The following DNM3 variants were observed in gnomAD, a reference collection of about 807,000 sequenced individuals.
The protein encoded by DNM3 is dynamin 3.
Under a neutral mutation model 101.6 loss-of-function variants are expected in DNM3, and 47 were observed. The ratio of observed to expected loss-of-function variants is 0.46; its 90% CI spans 0.37 to 0.59. DNM3 has a LOEUF of 0.59. Among genes scored for constraint, DNM3 ranks in the 20% least tolerant of loss-of-function variants. The probability of loss-of-function intolerance (pLI) is 0.00; values close to 1 mark genes in which losing one functional copy is unlikely to be tolerated. For missense variants in DNM3, 849 were observed against 1,085.7 expected (o/e 0.78, Z 3.06); for synonymous variants, 385 against 387.9 (o/e 0.99, Z 0.09).
At position 172,410,794 on chromosome 1, in the gene DNM3, G is replaced by A. The variant is rs1225281091; in HGVS notation, c.*2953G>A. 30 of 985,012 alleles carry A rather than the reference G, an allele frequency of 3.0e-5. No homozygotes were observed. Among genetic ancestry groups the A allele is most frequent in the South Asian group, 4.7e-5 (1 of 21,276 alleles). 61.0% of individuals were successfully genotyped at this position (985,012 alleles called of 1,614,324 possible). Reference sequence around the variant, plus strand: ...CTGTGATGTAACTGTAAGCCTTCTCGACTTAGACTTAAAAAGTGGTCACAT... The same window carrying A: ...CTGTGATGTAACTGTAAGCCTTCTCAACTTAGACTTAAAAAGTGGTCACAT... On this transcript the variant is annotated 3_prime_UTR_variant, in exon 21 of 21. Transcript: ENST00000627582.
chr1:171,863,361 A>G (rs1401307758), intron 1 of DNM3, among the ~76,000 whole-genome samples: 1 of 152,206 alleles, frequency 6.6e-6, no homozygotes, highest in African/African-American at 2.4e-5. Context: ...GGGAAGCTCC[A>G]GTTTAATGAA....
intron 14 of DNM3, among the ~76,000 whole-genome samples, chr1:172,188,739 T>C (rs1338323619): frequency 6.6e-6 from 1 of 152,112 alleles, no homozygotes; most frequent in Non-Finnish European, 1.5e-5. Flanking sequence ...TACGTTTAGT[T>C]TTGTAAGAAA....
intron 1 of DNM3, among the ~76,000 whole-genome samples, chr1:171,879,407 C>T (rs1362874290): frequency 6.6e-6 from 1 of 152,084 alleles, no homozygotes; most frequent in Non-Finnish European, 1.5e-5. Flanking sequence ...AAATCCACAC[C>T]ACTTTACATT....
chr1:171,957,641 T>G (rs2042951672), intron 2 of DNM3, among the ~76,000 whole-genome samples: 1 of 152,164 alleles, frequency 6.6e-6, no homozygotes, highest in African/African-American at 2.4e-5. Context: ...TCCCGCCAGG[T>G]ACCCTAAATC....
intron 1 of DNM3, among the ~76,000 whole-genome samples, chr1:171,894,979 A>T (rs1021967864): frequency 6.6e-6 from 1 of 152,138 alleles, no homozygotes; most frequent in African/African-American, 2.4e-5. Context: ...ATCGTTTTAT[A>T]TGGCTGCATA....
chr1:172,349,912 A>T (rs2067119350), intron 17 of DNM3, among the ~76,000 whole-genome samples: 1 of 152,156 alleles, frequency 6.6e-6, no homozygotes, highest in South Asian at 2.1e-4. Context: ...GAGGTTAAAA[A>T]CATAGAAGCA....
Position 172,409,173 on chromosome 1 carries a change from G to T in DNM3, c.*1332G>T, listed in dbSNP as rs926062606. ...AGCCAGAAGCCAACTGGAATTTTGT[G>T]TGCTAACTGTTCCCAGACAGCAGAG... On this transcript the variant is annotated 3_prime_UTR_variant, in exon 21 of 21. Coordinates refer to ENST00000627582, the MANE Select transcript of DNM3 (RefSeq NM_015569.5). The T allele has an allele frequency of 2.3e-5, 23 of 985,362 alleles. No homozygotes were observed. The highest frequency in any genetic ancestry group is 5.2e-4 in the Middle Eastern group (1 of 1,914). The allele number at this position is 985,362 out of a possible 1,614,324, so 61.0% of individuals were successfully genotyped here. A position where few individuals can be genotyped will look rare whatever the true frequency, so the allele number is the denominator to read the frequency against.
At chr1:172,402,183 G>A (rs1007142925) in intron 20 of DNM3, among the ~76,000 whole-genome samples, 2 of 152,176 alleles carry the variant, frequency 1.3e-5, no homozygotes, top group East Asian at 3.9e-4. Context: ...CAAAAAAAAT[G>A]ATGCAAGCAT....
intron 1 of DNM3, among the ~76,000 whole-genome samples, chr1:171,893,499 G>C (rs1417484123): frequency 6.6e-6 from 1 of 151,496 alleles, no homozygotes; most frequent in Non-Finnish European, 1.5e-5. Context: ...TTTCACCCAG[G>C]CTGGAGTGCA....
chr1:172,044,528 C>T (rs2049622573), intron 9 of DNM3, 76 bp downstream of exon 9: 1 of 1,251,792 alleles, frequency 8.0e-7, no homozygotes, highest in African/African-American at 1.5e-5. Flanking sequence ...GGCTAGGAAA[C>T]TCGTCTTTTC....
At chr1:172,171,825 T>C (rs2058971696) in intron 14 of DNM3, among the ~76,000 whole-genome samples, 2 of 151,712 alleles carry the variant, frequency 1.3e-5, no homozygotes, top group Non-Finnish European at 2.9e-5. Context: ...TAGAAGTAAA[T>C]AGGACAGTGT....
intron 17 of DNM3, among the ~76,000 whole-genome samples, chr1:172,357,958 G>A (rs1329818336): frequency 6.6e-6 from 1 of 151,980 alleles, no homozygotes; most frequent in East Asian, 1.9e-4. Flanking sequence ...TGAACAGGAA[G>A]GAAACAGTTT....
chr1:171,855,647 T>A (rs1471734937), intron 1 of DNM3, among the ~76,000 whole-genome samples: 1 of 152,224 alleles, frequency 6.6e-6, no homozygotes, highest in Non-Finnish European at 1.5e-5. Flanking sequence ...TGAGCTTTTT[T>A]ATTTTTTTCT....
intron 14 of DNM3, chr1:172,142,130 A>C (rs2057615608): frequency 6.6e-6 from 1 of 152,112 alleles, no homozygotes; most frequent in Non-Finnish European, 1.5e-5. Context: ...TAATTTTAAT[A>C]CTTACACTTA....
rs997600733 is a variant in DNM3, at chr1:172,410,556, T to C, written c.*2715T>C. On this transcript the variant is annotated 3_prime_UTR_variant, in exon 21 of 21. Coordinates refer to ENST00000627582, the MANE Select transcript of DNM3 (RefSeq NM_015569.5). ...GCATATTGACTAATTGGAATAACCA[T>C]TTACTCAATTATGGACAGCTTATTG... 3.0e-5 allele frequency: 30 copies of C among 983,700 alleles called. No individual in the cohort carries two copies. In the African/African-American group the frequency reaches 4.9e-4, roughly 16 times the overall value. The allele number at this position is 983,700 out of a possible 1,614,324, so 60.9% of individuals were successfully genotyped here.
intron 13 of DNM3, among the ~76,000 whole-genome samples, chr1:172,103,224 A>G (rs1281307103): frequency 6.6e-6 from 1 of 152,136 alleles, no homozygotes; most frequent in Non-Finnish European, 1.5e-5. Context: ...ACACACAAAG[A>G]CACTGTGATT....
intron 15 of DNM3, among the ~76,000 whole-genome samples, chr1:172,287,984 C>G (rs935881690): frequency 3.9e-5 from 6 of 151,936 alleles, no homozygotes; most frequent in Non-Finnish European, 8.8e-5. Context: ...TGTGTCTGAC[C>G]AAGGAAAAGT....
At position 171,987,296 on chromosome 1, in the gene DNM3, A is replaced by G. The variant is rs769883768; in HGVS notation, c.236-360A>G. ...GGTGATACTGAAGAGGGGAATGCTAACAGAACTCAGAGGTATCCCAGATCT... is the reference window on the plus strand; with the variant it reads ...GGTGATACTGAAGAGGGGAATGCTAGCAGAACTCAGAGGTATCCCAGATCT... On this transcript the variant is annotated intron_variant, in intron 2 of 20. Coordinates refer to ENST00000627582, the MANE Select transcript of DNM3 (RefSeq NM_015569.5). 9 of 985,348 alleles carry G rather than the reference A, an allele frequency of 9.1e-6. No individual in the cohort carries two copies. In the African/African-American group the frequency reaches 1.2e-4, roughly 13 times the overall value. The allele number at this position is 985,348 out of a possible 1,614,324, so 61.0% of individuals were successfully genotyped here. A position where few individuals can be genotyped will look rare whatever the true frequency, so the allele number is the denominator to read the frequency against.
chr1:172,013,883 A>G (rs552260785), intron 4 of DNM3, among the ~76,000 whole-genome samples: 10 of 152,224 alleles, frequency 6.6e-5, no homozygotes, highest in Admixed American at 5.9e-4. Context: ...TTTATGTACC[A>G]CATACTTTAC....
Sources: allele counts gnomAD v4.1 joint callset (sites outside exome capture counted in the v4.1 genomes callset), GRCh38; gene constraint gnomAD v4.1.1; transcripts MANE v1.5; gene names NCBI Gene and HGNC (gene_info 2026-07-23, HGNC 2026-07-21).